The following CADM2 variants were observed in gnomAD, a reference collection of about 807,000 sequenced individuals.
The protein encoded by CADM2 is cell adhesion molecule 2, also known as immunoglobulin superfamily member 4D.
Under a neutral mutation model 49.8 loss-of-function variants are expected in CADM2, and 12 were observed. That is an observed-to-expected ratio of 0.24 (90% CI 0.15 to 0.39). The LOEUF (loss-of-function observed/expected upper bound fraction) is 0.39. CADM2 is among the 10% of genes least tolerant of loss of function. The pLI is 1.00. For missense variants in CADM2, 378 were observed against 492.3 expected, an observed-to-expected ratio of 0.77 and a Z score of 2.20; for synonymous variants, 214 against 175.4, an observed-to-expected ratio of 1.22 and a Z score of -1.74.
intron 1 of CADM2, among the ~76,000 whole-genome samples, chr3:85,715,979 T>C (rs1415889331): frequency 6.6e-6 from 1 of 152,226 alleles, no homozygotes; most frequent in African/African-American, 2.4e-5. Context: ...TGTGCCTGCA[T>C]CTTTATAGTA....
At chr3:85,237,038 A>C (rs891079088) in intron 1 of CADM2, among the ~76,000 whole-genome samples, 3 of 152,092 alleles carry the variant, frequency 2.0e-5, no homozygotes, top group African/African-American at 7.2e-5. Context: ...CCATATTTAA[A>C]TAAGGGCTTT....
In CADM2 at chr3:85,793,578, C is replaced by T. The variant is rs1006608064; in HGVS notation, c.89-8469C>T. On this transcript the variant is annotated intron_variant, in intron 2 of 9. Coordinates refer to ENST00000383699, the MANE Select transcript of CADM2 (RefSeq NM_001167675.2). ...TTTGCCAACTTCCCTAGTTAAAATA[C>T]ACCCTCTGTGGTCAGTTTCAAGCTG... Among the ~76,000 whole-genome samples the T allele has an allele frequency of 3.3e-5, 5 of 152,170 alleles. No individual in the cohort carries two copies. The East Asian group carries it at 5.8e-4, about 18-fold the overall frequency.
At position 85,770,334 on chromosome 3, in the gene CADM2, G is replaced by T. The variant is rs539101411; in HGVS notation, c.89-31713G>T. Among the ~76,000 whole-genome samples, 64 of 152,076 alleles carry T rather than the reference G, an allele frequency of 4.2e-4. No homozygotes were observed. In the South Asian group the frequency reaches 8.1e-3, roughly 19 times the overall value. The stretch of plus-strand genomic sequence containing the variant: ...ATTTTTTGTTGTTGTTTGAGATAGG[G>T]CCTCGCTCTGTCACCTGGGCTGGAG... On this transcript the variant is annotated intron_variant, in intron 2 of 9. Transcript: ENST00000383699.
At chr3:85,885,260 G>C (rs1218194251) in intron 4 of CADM2, among the ~76,000 whole-genome samples, 3 of 151,868 alleles carry the variant, frequency 2.0e-5, no homozygotes, top group African/African-American at 7.3e-5. Flanking sequence ...AATGAGGCCA[G>C]GCACGGTGGC....
At chr3:85,154,276 GA>G (rs1186220721) in intron 1 of CADM2, among the ~76,000 whole-genome samples, 3 of 152,168 alleles carry the variant, frequency 2.0e-5, no homozygotes, top group African/African-American at 7.2e-5. Context: ...CAAGGCTCGA[GA>G]ACTATGTGAA....
intron 8 of CADM2, among the ~76,000 whole-genome samples, chr3:85,974,509 A>G (rs1726539815): frequency 6.6e-6 from 1 of 151,666 alleles, no homozygotes; most frequent in Non-Finnish European, 1.5e-5. Flanking sequence ...ACCTCAACAC[A>G]ATAGTGGGTG....
At chr3:85,452,727 C>G (rs942408287) in intron 1 of CADM2, among the ~76,000 whole-genome samples, 2 of 152,084 alleles carry the variant, frequency 1.3e-5, no homozygotes, top group Non-Finnish European at 2.9e-5. Context: ...AGGGCAGTTC[C>G]GATTTTGGAA....
At position 85,693,914 on chromosome 3, in the gene CADM2, AG is replaced by A. The variant is rs1376189814; in HGVS notation, c.62-32607del. 6.6e-5 allele frequency among the ~76,000 whole-genome samples: 10 copies of A among 151,102 alleles called. No homozygotes were observed. The South Asian group carries it at 2.1e-3, about 31-fold the overall frequency. ...CCCTCTAAAAAAAAAAAAAGAAAAA[AG>A]AAAAAAAAAAGAAAAGAAAAGAAAA... On this transcript the variant is annotated intron_variant, in intron 1 of 9. Transcript: ENST00000383699.
chr3:85,276,789 A>G (rs1208945530), intron 1 of CADM2, among the ~76,000 whole-genome samples: 2 of 151,340 alleles, frequency 1.3e-5, no homozygotes, highest in Non-Finnish European at 3.0e-5. Flanking sequence ...ATGCACATGA[A>G]AAAGCTGTTG....
chr3:86,049,738 C>A (rs1737126486), intron 8 of CADM2, among the ~76,000 whole-genome samples: 1 of 152,136 alleles, frequency 6.6e-6, no homozygotes, highest in African/African-American at 2.4e-5. Flanking sequence ...GTGCTACACA[C>A]TTTTAAACAA....
At chr3:85,946,808 A>G (rs955832848) in intron 7 of CADM2, among the ~76,000 whole-genome samples, 11 of 152,216 alleles carry the variant, frequency 7.2e-5, no homozygotes, top group Non-Finnish European at 1.2e-4. Context: ...AGATGGATTA[A>G]AGACTTAAAC....
chr3:85,944,185 G>A (rs6549063), intron 7 of CADM2, among the ~76,000 whole-genome samples: 106,004 of 151,950 alleles, frequency 0.7, 38,587 homozygotes, highest in African/African-American at 0.92. Flanking sequence ...AGGCCGTTAC[G>A]TAATGGTAAA....
At chr3:85,118,425 C>T (rs1022316311) in intron 1 of CADM2, among the ~76,000 whole-genome samples, 18 of 152,120 alleles carry the variant, frequency 1.2e-4, no homozygotes, top group African/African-American at 3.6e-4. Context: ...CCCAGTTCCA[C>T]GTAGCTGGGG....
At chr3:85,699,859 TG>T (rs1237748159) in intron 1 of CADM2, among the ~76,000 whole-genome samples, 1 of 152,236 alleles carries the variant, frequency 6.6e-6, no homozygotes, top group Non-Finnish European at 1.5e-5. Context: ...CCCATGAAAA[TG>T]GGCTTTTCTT....
rs2065106371 is a variant in CADM2 at position 85,653,211 on chromosome 3, G to C, written c.62-73311G>C. On this transcript the variant is annotated intron_variant, in intron 1 of 9. Coordinates refer to ENST00000383699, the MANE Select transcript of CADM2 (RefSeq NM_001167675.2). ...TGGGTAGCAAAGAACGAGAATATTA[G>C]GATAATTACATAAGTTGCTGGCTTT... is the stretch of plus-strand genomic sequence containing the variant. 2.7e-5 allele frequency among the ~76,000 whole-genome samples: 4 copies of C among 150,822 alleles called. No individual in the cohort carries two copies. In the South Asian group the frequency reaches 8.4e-4, roughly 32 times the overall value.
At chr3:85,102,794 G>A (rs2038061645) in intron 1 of CADM2, among the ~76,000 whole-genome samples, 1 of 152,040 alleles carries the variant, frequency 6.6e-6, no homozygotes, top group South Asian at 2.1e-4. Flanking sequence ...TCAGGTTGCT[G>A]CATAATTTTG....
At chr3:85,976,959 C>T (rs914497816) in intron 8 of CADM2, among the ~76,000 whole-genome samples, 12 of 151,194 alleles carry the variant, frequency 7.9e-5, no homozygotes, top group East Asian at 1.9e-4. Context: ...ATGCTTAATG[C>T]GTTTTTACCC....
intron 3 of CADM2, among the ~76,000 whole-genome samples, chr3:85,856,368 G>A (rs2075318149): frequency 6.6e-6 from 1 of 152,076 alleles, no homozygotes; most frequent in Admixed American, 6.6e-5. Flanking sequence ...TAAGTACTCT[G>A]TACTTTTTCA....
intron 1 of CADM2, among the ~76,000 whole-genome samples, chr3:85,223,054 C>T (rs1266212824): frequency 1.3e-5 from 2 of 152,056 alleles, no homozygotes; most frequent in South Asian, 2.1e-4. Flanking sequence ...CCAGTGTCTC[C>T]GCCTCAGCCA....
Sources: allele counts gnomAD v4.1 joint callset (sites outside exome capture counted in the v4.1 genomes callset), GRCh38; gene constraint gnomAD v4.1.1; transcripts MANE v1.5; gene names NCBI Gene and HGNC (gene_info 2026-07-23, HGNC 2026-07-21).